Variants in MICAL2 observed in about 807,000 individuals in gnomAD.
The protein encoded by MICAL2 is microtubule associated monooxygenase, calponin and LIM domain containing 2, also known as [F-actin]-monooxygenase MICAL2.
A neutral mutation model predicts 127.3 loss-of-function variants in MICAL2; 77 were observed. That is an observed-to-expected ratio of 0.60 (90% CI 0.50 to 0.73). The LOEUF (loss-of-function observed/expected upper bound fraction) is 0.73, where lower values mean the gene tolerates loss of function less well. MICAL2 is among the 30% of genes least tolerant of loss of function. The probability of loss-of-function intolerance (pLI) is 0.00; values close to 1 mark genes in which losing one functional copy is unlikely to be tolerated. For missense variants in MICAL2, 1,351 were observed against 1,434.4 expected, an observed-to-expected ratio of 0.94 and a Z score of 0.94; for synonymous variants, 570 against 551.1, an observed-to-expected ratio of 1.03 and a Z score of -0.48.
chr11:12,176,927 C>T (rs775176111), intron 3 of MICAL2, among the ~76,000 whole-genome samples: 1 of 152,178 alleles, frequency 6.6e-6, no homozygotes, highest in Non-Finnish European at 1.5e-5. Flanking sequence ...AATAATGCCA[C>T]TATGGATATA....
intron 14 of MICAL2, among the ~76,000 whole-genome samples, 168 bp downstream of exon 14, chr11:12,226,538 G>A (rs570015816): frequency 3.3e-4 from 50 of 152,102 alleles, no homozygotes; most frequent in Non-Finnish European, 6.9e-4. Context: ...CCCTGTGCAT[G>A]TAAGTGGATC....
intron 29 of MICAL2, among the ~76,000 whole-genome samples, chr11:12,301,471 C>T (rs922337628): frequency 6.6e-6 from 1 of 152,122 alleles, no homozygotes; most frequent in African/African-American, 2.4e-5. Context: ...CTTATACGTA[C>T]GTATTTTTGG....
chr11:12,192,637 G>A (rs1448766300), intron 3 of MICAL2, among the ~76,000 whole-genome samples: 1 of 152,080 alleles, frequency 6.6e-6, no homozygotes, highest in African/African-American at 2.4e-5. Flanking sequence ...AATTACCCAG[G>A]TGCGATGATG....
chr11:12,267,867 A>G (rs771228856), downstream of MICAL2, among the ~76,000 whole-genome samples: 1 of 152,184 alleles, frequency 6.6e-6, no homozygotes, highest in Non-Finnish European at 1.5e-5. Flanking sequence ...TGCTGGGATT[A>G]CAGGTGTGAG....
At chr11:12,211,417 T>C (rs913093792) in intron 6 of MICAL2, among the ~76,000 whole-genome samples, 3 of 151,932 alleles carry the variant, frequency 2.0e-5, no homozygotes, top group Non-Finnish European at 4.4e-5. Flanking sequence ...AACCCCAAGG[T>C]TGTCACTAAA....
At chr11:12,266,510 T>C (rs942470228), downstream of MICAL2, among the ~76,000 whole-genome samples, 9 of 152,224 alleles carry the variant, frequency 5.9e-5, no homozygotes, top group African/African-American at 1.9e-4. Context: ...CCAGCTGTTA[T>C]ATAGGGAACA....
chr11:12,314,862 T>C (rs570589350), intron 29 of MICAL2, among the ~76,000 whole-genome samples: 1 of 152,230 alleles, frequency 6.6e-6, no homozygotes, highest in African/African-American at 2.4e-5. Flanking sequence ...AATACATATT[T>C]TAAACCCATA....
intron 12 of MICAL2, among the ~76,000 whole-genome samples, chr11:12,223,780 C>A (rs1857095612): frequency 6.6e-6 from 1 of 152,200 alleles, no homozygotes; most frequent in South Asian, 2.1e-4. Flanking sequence ...TTCACTGGGA[C>A]TTGTTCTTAT....
intron 4 of MICAL2, among the ~76,000 whole-genome samples, chr11:12,206,006 A>G (rs975875390): frequency 2.0e-5 from 3 of 152,226 alleles, no homozygotes; most frequent in Non-Finnish European, 4.4e-5. Context: ...TTATTCAGAC[A>G]CAGGAGAATT....
intron 3 of MICAL2, among the ~76,000 whole-genome samples, chr11:12,189,956 G>C (rs753538716): frequency 1.3e-5 from 2 of 152,206 alleles, no homozygotes; most frequent in African/African-American, 4.8e-5. Flanking sequence ...AGTAATCATG[G>C]GCAGTCGGGA....
chr11:12,293,584 GC>G (rs1224491447), downstream of MICAL2: 4 of 1,612,066 alleles, frequency 2.5e-6, no homozygotes, highest in African/African-American at 5.3e-5. Context: ...AGCCCCTCTC[GC>G]AAGTCTCGAG....
chr11:12,253,638 C>G (rs1861876820), intron 22 of MICAL2: 1 of 152,184 alleles, frequency 6.6e-6, no homozygotes, highest in Admixed American at 6.5e-5. Context: ...ACGAGCGATC[C>G]TTGCAAATTA....
chr11:12,274,277 A>G (rs117011351), upstream of MICAL2: 6,695 of 152,278 alleles, frequency 0.044, 238 homozygotes, highest in Middle Eastern at 0.065. Context: ...GCCAAGACAG[A>G]GCTGGGCGCA....
At chr11:12,261,037 A>G (rs1374740465) in intron 26 of MICAL2, 1 of 985,406 alleles carries the variant, frequency 1.0e-6, no homozygotes, top group Non-Finnish European at 1.2e-6. Context: ...CGGATCCCCC[A>G]GCCCGGGCTG....
Position 12,220,585 on chromosome 11 carries a change from G to T in MICAL2, c.1206+127G>T, listed in dbSNP as rs1015452383. 6 of 1,341,008 alleles carry T rather than the reference G, an allele frequency of 4.5e-6. No individual in the cohort carries two copies. The South Asian group carries it at 7.3e-5, about 16-fold the overall frequency. 83.1% of individuals were successfully genotyped at this position (1,341,008 alleles called of 1,614,324 possible). On this transcript the variant is annotated intron_variant, in intron 9 of 27. Coordinates refer to ENST00000683283, the MANE Select transcript of MICAL2 (RefSeq NM_001282663.2). ...GCTCTCAGCCAGTTGGCAGGACTCT[G>T]CCAAGCCTGTCCCGGCCTCAGAGCC...
At chr11:12,361,978 A>G (rs1939211899), downstream of MICAL2, among the ~76,000 whole-genome samples, 1 of 152,238 alleles carries the variant, frequency 6.6e-6, no homozygotes, top group South Asian at 2.1e-4. Context: ...GTACGATTTC[A>G]TCTACTGTTT....
intron 2 of MICAL2, among the ~76,000 whole-genome samples, chr11:12,158,038 G>T (rs538902309): frequency 6.6e-6 from 1 of 152,224 alleles, no homozygotes; most frequent in South Asian, 2.1e-4. Context: ...AAGTATACAG[G>T]TTGACTATAC....
At chr11:12,174,946 T>C (rs1236556912) in intron 3 of MICAL2, among the ~76,000 whole-genome samples, 2 of 151,240 alleles carry the variant, frequency 1.3e-5, no homozygotes, top group Non-Finnish European at 2.9e-5. Context: ...CATGGCAAAA[T>C]GCCATTTCTA....
chr11:12,333,547 C>A (rs187623817), intron 32 of MICAL2, among the ~76,000 whole-genome samples: 3 of 152,042 alleles, frequency 2.0e-5, no homozygotes, highest in Admixed American at 6.6e-5. Context: ...TAAGACAAGG[C>A]AGAGAAAGGC....
Sources: allele counts gnomAD v4.1 joint callset (sites outside exome capture counted in the v4.1 genomes callset), GRCh38; gene constraint gnomAD v4.1.1; transcripts MANE v1.5; gene names NCBI Gene and HGNC (gene_info 2026-07-23, HGNC 2026-07-21).